Variants in GRB14 observed in about 807,000 individuals in gnomAD.
GRB14 encodes growth factor receptor bound protein 14, also known as growth factor receptor-bound protein 14.
Under a neutral mutation model 69.1 loss-of-function variants are expected in GRB14, and 38 were observed. That is an observed-to-expected ratio of 0.55 (90% CI 0.42 to 0.72). The LOEUF (loss-of-function observed/expected upper bound fraction) is 0.72, where lower values mean the gene tolerates loss of function less well. Among genes scored for constraint, GRB14 ranks in the 30% least tolerant of loss-of-function variants. The pLI, the probability that GRB14 is intolerant of heterozygous loss-of-function variation, is 0.00. For synonymous variants in GRB14, 247 were observed against 241.3 expected (o/e 1.02, Z -0.22); for missense variants, 666 against 666.1 (o/e 1.00, Z 0.00).
intron 2 of GRB14, chr2:164,568,228 C>T (rs1344315014): frequency 2.7e-6 from 2 of 729,304 alleles, no homozygotes; most frequent in South Asian, 1.7e-5. Context: ...GTAAGTAAAG[C>T]TTCCTATGTA....
intron 2 of GRB14, among the ~76,000 whole-genome samples, chr2:164,617,590 C>A (rs1292390037): frequency 6.6e-6 from 1 of 152,030 alleles, no homozygotes; most frequent in Non-Finnish European, 1.5e-5. Context: ...CATAAGCATA[C>A]CAACACCTCT....
At chr2:164,560,508 A>T (rs973632245) in intron 2 of GRB14, among the ~76,000 whole-genome samples, 6 of 152,168 alleles carry the variant, frequency 3.9e-5, no homozygotes, top group African/African-American at 9.6e-5. Context: ...GACAAAGTTA[A>T]TATCTATTTT....
At chr2:164,497,635 G>C in intron 9 of GRB14, 145 bp from the exon 10 acceptor site, 1 of 603,298 alleles carries the variant, frequency 1.7e-6, no homozygotes, top group Non-Finnish European at 3.0e-6. Flanking sequence ...GTGCCTGAAG[G>C]GGCTAGCAGA....
rs150284959 is a variant in GRB14, at chr2:164,555,149, G to A, written c.325-7333C>T. 8.3e-3 allele frequency among the ~76,000 whole-genome samples: 1,265 copies of A among 152,336 alleles called. 4 individuals are homozygous for A. Among genetic ancestry groups the A allele is most frequent in the Non-Finnish European group, 0.015 (1,009 of 68,040 alleles). On this transcript the variant is annotated intron_variant, in intron 2 of 13. Coordinates refer to ENST00000263915, the MANE Select transcript of GRB14 (RefSeq NM_004490.3). ...GAAAAAAGTGAGCAAAGGCTAAGCA[G>A]TCAGCCTTTCTCCTCCTCCTTGCTG...
At chr2:164,551,914 C>A (rs972563516) in intron 2 of GRB14, among the ~76,000 whole-genome samples, 3 of 152,150 alleles carry the variant, frequency 2.0e-5, no homozygotes, top group Non-Finnish European at 4.4e-5. Context: ...GTTCTGCAGG[C>A]TGGAAAAGAA....
intron 2 of GRB14, among the ~76,000 whole-genome samples, chr2:164,570,275 TAAAA>T (rs35918859): frequency 5.6e-4 from 32 of 57,226 alleles, no homozygotes; most frequent in African/African-American, 1.8e-3. Flanking sequence ...AGACTCCATC[TAAAA>T]AAAAAAAAAA....
chr2:164,589,735 G>C (rs549697678), intron 2 of GRB14, among the ~76,000 whole-genome samples: 1 of 152,118 alleles, frequency 6.6e-6, no homozygotes, highest in Non-Finnish European at 1.5e-5. Flanking sequence ...GGTTTGGAGG[G>C]GTCAAAGATC....
At chr2:164,568,365 C>G in intron 2 of GRB14, 1 of 1,288,368 alleles carries the variant, frequency 7.8e-7, no homozygotes, top group Non-Finnish European at 1.0e-6. Flanking sequence ...ACTCTTCTTG[C>G]ACTCAAACTC....
chr2:164,511,810 T>C (rs1687345471), intron 6 of GRB14, among the ~76,000 whole-genome samples: 3 of 152,084 alleles, frequency 2.0e-5, no homozygotes, highest in African/African-American at 7.2e-5. Flanking sequence ...CACAGATGGA[T>C]AGAGCACCAG....
In GRB14 at chr2:164,584,928, G is replaced by A. The variant is rs181426617; in HGVS notation, c.324+34759C>T. Among the ~76,000 whole-genome samples the A allele has an allele frequency of 8.6e-4, 130 of 151,660 alleles. 1 individual carries two copies. Among genetic ancestry groups the A allele is most frequent in the African/African-American group, 2.2e-3 (92 of 41,428 alleles). On this transcript the variant is annotated intron_variant, in intron 2 of 13. Coordinates refer to ENST00000263915, the MANE Select transcript of GRB14 (RefSeq NM_004490.3). ...TAGAAGAGAGAATGCATTTGGGGTT[G>A]TTTTATATGTTTTTGTTTTTGTGGT...
At chr2:164,561,715 C>T (rs1327003800) in intron 2 of GRB14, among the ~76,000 whole-genome samples, 1 of 152,196 alleles carries the variant, frequency 6.6e-6, no homozygotes, top group Non-Finnish European at 1.5e-5. Context: ...AGACACTTAA[C>T]TCTCTAAGCC....
At chr2:164,495,977 G>C (rs572347644) in intron 12 of GRB14, among the ~76,000 whole-genome samples, 163 of 152,228 alleles carry the variant, frequency 1.1e-3, no homozygotes, top group Non-Finnish European at 1.6e-3. Context: ...AATTCTTTGT[G>C]ACTCATTTAT....
At chr2:164,514,175 T>TAG (rs1344576891) in intron 6 of GRB14, among the ~76,000 whole-genome samples, 1 of 152,028 alleles carries the variant, frequency 6.6e-6, no homozygotes, top group Non-Finnish European at 1.5e-5. Flanking sequence ...ACACACAAAA[T>TAG]AACTAAAGAG....
At chr2:164,592,897 T>C (rs1417002901) in intron 2 of GRB14, among the ~76,000 whole-genome samples, 1 of 152,218 alleles carries the variant, frequency 6.6e-6, no homozygotes, top group African/African-American at 2.4e-5. Context: ...TCCATGCCCT[T>C]ACCTTTCTGA....
chr2:164,603,212 A>G (rs1689962927), intron 2 of GRB14, among the ~76,000 whole-genome samples: 1 of 151,578 alleles, frequency 6.6e-6, no homozygotes, highest in Non-Finnish European at 1.5e-5. Context: ...AACTTAATAC[A>G]TGATGAAAAA....
intron 8 of GRB14, among the ~76,000 whole-genome samples, chr2:164,504,727 A>G (rs750424510): frequency 2.0e-5 from 3 of 152,158 alleles, no homozygotes; most frequent in Non-Finnish European, 2.9e-5. Context: ...TGGTCCCCCA[A>G]AGATGTCCAC....
intron 2 of GRB14, among the ~76,000 whole-genome samples, chr2:164,550,299 T>C (rs545725149): frequency 1.0e-3 from 157 of 152,308 alleles, no homozygotes; most frequent in African/African-American, 3.7e-3. Flanking sequence ...TAAGACAGAA[T>C]GAGCCTTTGT....
intron 2 of GRB14, among the ~76,000 whole-genome samples, chr2:164,594,690 T>A (rs1323200290): frequency 6.6e-6 from 1 of 152,232 alleles, no homozygotes; most frequent in Non-Finnish European, 1.5e-5. Flanking sequence ...CAGAAAGATG[T>A]AATCCATTTC....
intron 2 of GRB14, among the ~76,000 whole-genome samples, chr2:164,566,313 A>G (rs1051336362): frequency 1.3e-5 from 2 of 152,202 alleles, no homozygotes; most frequent in African/African-American, 4.8e-5. Context: ...CTAAAATAAA[A>G]GACATTAAGA....
Sources: allele counts gnomAD v4.1 joint callset (sites outside exome capture counted in the v4.1 genomes callset), GRCh38; gene constraint gnomAD v4.1.1; transcripts MANE v1.5; gene names NCBI Gene and HGNC (gene_info 2026-07-23, HGNC 2026-07-21).